SCRG1: variants seen among roughly 807,000 people sequenced by gnomAD.
The protein encoded by SCRG1 is stimulator of chondrogenesis 1, also known as scrapie-responsive protein 1.
In SCRG1, 3 loss-of-function variants were observed where a neutral mutation model predicts 7.7. That is an observed-to-expected ratio of 0.39 (90% CI 0.18 to 1.01). The LOEUF (loss-of-function observed/expected upper bound fraction) is 1.01, where lower values mean the gene tolerates loss of function less well. SCRG1 is among the 50% of genes least tolerant of loss of function. The probability of loss-of-function intolerance (pLI) is 0.36; values close to 1 mark genes in which losing one functional copy is unlikely to be tolerated. For synonymous variants in SCRG1, 46 were observed against 41.2 expected, an observed-to-expected ratio of 1.12 and a Z score of -0.44; for missense variants, 110 against 117.2, an observed-to-expected ratio of 0.94 and a Z score of 0.28.
chr4:173,484,687 T>A, the SCRG1 span, among the ~76,000 whole-genome samples: 1 of 96,452 alleles, frequency 1.0e-5, no homozygotes, highest in African/African-American at 4.4e-5. Context: ...ATAATATATA[T>A]TATATATTAT....
chr4:173,458,251 A>C, the SCRG1 span, among the ~76,000 whole-genome samples: 1 of 152,240 alleles, frequency 6.6e-6, no homozygotes. Context: ...CATAAAAATT[A>C]GCCCAGTCAG....
At chr4:173,389,924 A>T (rs1434263806) in intron 2 of SCRG1, 1 of 398,534 alleles carries the variant, frequency 2.5e-6, no homozygotes, top group East Asian at 7.5e-5. Flanking sequence ...AGCTAATTTC[A>T]ATATGAAATA....
the SCRG1 span, among the ~76,000 whole-genome samples, chr4:173,484,813 A>T: frequency 1.5e-5 from 1 of 66,994 alleles, no homozygotes; most frequent in Non-Finnish European, 2.7e-5. Flanking sequence ...TATATATTAT[A>T]CATATAATAT....
the SCRG1 span, among the ~76,000 whole-genome samples, chr4:173,465,938 A>G: frequency 2.0e-5 from 3 of 152,068 alleles, no homozygotes; most frequent in African/African-American, 7.2e-5. Context: ...TCGTCTTCCC[A>G]GGTATGAAGG....
At position 173,395,201 on chromosome 4, in the gene SCRG1, A is replaced by G. The variant is rs3775589; in HGVS notation, c.-14-3773T>C. Reference sequence around the variant, plus strand: ...TGATATTTATCACAATTTAAATGATATATTTGTGAATTTACTCATTTTATG... The same window carrying G: ...TGATATTTATCACAATTTAAATGATGTATTTGTGAATTTACTCATTTTATG... On this transcript the variant is annotated intron_variant, in intron 1 of 2. Coordinates refer to ENST00000296506, the MANE Select transcript of SCRG1 (RefSeq NM_007281.4). Among the ~76,000 whole-genome samples, 24 of 152,282 alleles carry G rather than the reference A, an allele frequency of 1.6e-4. No individual in the cohort carries two copies. The East Asian group carries it at 3.5e-3, about 22-fold the overall frequency.
the SCRG1 span, among the ~76,000 whole-genome samples, chr4:173,483,719 T>TCATATATCATATATATGATATATTATA: frequency 6.7e-3 from 20 of 2,984 alleles, 2 homozygotes; most frequent in Non-Finnish European, 8.1e-3. Context: ...ATATATTATA[T>TCATATATCATATATATGATATATTATA]TGTGATATAT....
chr4:173,439,329 T>A, the SCRG1 span, among the ~76,000 whole-genome samples: 1 of 152,094 alleles, frequency 6.6e-6, no homozygotes, highest in Non-Finnish European at 1.5e-5. Context: ...GGGTTTGAGA[T>A]GAGCCTGGCC....
At chr4:173,494,773 C>T in the SCRG1 span, among the ~76,000 whole-genome samples, 176 of 152,364 alleles carry the variant, frequency 1.2e-3, 1 homozygote, top group Admixed American at 9.7e-3. Flanking sequence ...AGAAACGTCT[C>T]TTGGTACTGG....
chr4:173,476,127 C>A, the SCRG1 span, among the ~76,000 whole-genome samples: 1 of 151,246 alleles, frequency 6.6e-6, no homozygotes, highest in Non-Finnish European at 1.5e-5. Flanking sequence ...ATAAAAAATG[C>A]CACTCACTCA....
the SCRG1 span, among the ~76,000 whole-genome samples, chr4:173,444,388 C>G: frequency 1.3e-5 from 2 of 152,196 alleles, no homozygotes; most frequent in African/African-American, 4.8e-5. Flanking sequence ...CAAACATTTT[C>G]CATAAAGGAC....
At chr4:173,451,073 C>T in the SCRG1 span, among the ~76,000 whole-genome samples, 6 of 152,072 alleles carry the variant, frequency 3.9e-5, no homozygotes, top group Non-Finnish European at 7.4e-5. Flanking sequence ...TTTTTGAAGT[C>T]GTTTCTCCAA....
the SCRG1 span, among the ~76,000 whole-genome samples, chr4:173,482,600 T>C: frequency 1.3e-5 from 2 of 151,912 alleles, no homozygotes; most frequent in African/African-American, 4.8e-5. Flanking sequence ...GGAGGACCAC[T>C]TGAGGTGAGA....
At chr4:173,488,691 C>G in the SCRG1 span, among the ~76,000 whole-genome samples, 2 of 152,100 alleles carry the variant, frequency 1.3e-5, no homozygotes, top group East Asian at 3.8e-4. Context: ...TACATTTTGT[C>G]AATAATTCAG....
chr4:173,448,679 C>T, the SCRG1 span, among the ~76,000 whole-genome samples: 66 of 152,158 alleles, frequency 4.3e-4, no homozygotes, highest in Non-Finnish European at 2.9e-5. Flanking sequence ...CATGTCCTTA[C>T]ACACATCTTA....
the SCRG1 span, among the ~76,000 whole-genome samples, chr4:173,417,797 G>T: frequency 2.0e-5 from 3 of 152,156 alleles, no homozygotes; most frequent in Non-Finnish European, 4.4e-5. Context: ...CTGCAGTAGG[G>T]TGATCTTATT....
chr4:173,511,421 GTTTT>G, the SCRG1 span, among the ~76,000 whole-genome samples: 3 of 152,042 alleles, frequency 2.0e-5, no homozygotes, highest in Non-Finnish European at 2.9e-5. This position sits in a 1 kb window ranked among gnomAD's most constrained non-coding sequence, Gnocchi z 5.2. Flanking sequence ...CCTCTATACC[GTTTT>G]TTGTTTGTTT....
In SCRG1 at chr4:173,397,146, A is replaced by G. The variant is rs369493309; in HGVS notation, c.-15+1922T>C. The stretch of plus-strand genomic sequence containing the variant: ...TCTTCCTTTACTTAAGTACAGATAA[A>G]TAGCTTTAACTATTATTTAGCAAAT... On this transcript the variant is annotated intron_variant, in intron 1 of 2. Coordinates refer to ENST00000296506, the MANE Select transcript of SCRG1 (RefSeq NM_007281.4). Among the ~76,000 whole-genome samples, 7 of 152,334 alleles carry G rather than the reference A, an allele frequency of 4.6e-5. No homozygotes were observed. In the South Asian group the frequency reaches 1.0e-3, roughly 23 times the overall value.
the SCRG1 span, among the ~76,000 whole-genome samples, chr4:173,483,158 TATATAAC>T: frequency 1.9e-5 from 2 of 103,054 alleles, no homozygotes; most frequent in African/African-American, 4.0e-5. Flanking sequence ...ACATATGAAA[TATATAAC>T]ATATAACATA....
chr4:173,462,518 AATTTC>A, the SCRG1 span, among the ~76,000 whole-genome samples: 2 of 152,182 alleles, frequency 1.3e-5, no homozygotes, highest in African/African-American at 4.8e-5. Flanking sequence ...GAAGTTGAGG[AATTTC>A]ATTAATACCA....
Sources: gnomAD v4.1 joint callset for allele counts (sites outside exome capture counted in the v4.1 genomes callset) on GRCh38, gnomAD v4.1.1 for gene constraint, Gnocchi (gnomAD v3.1) non-coding constraint, MANE v1.5 for transcripts, NCBI Gene and HGNC (gene_info 2026-07-23, HGNC 2026-07-21) for gene names.